FSTL4: variants seen among roughly 807,000 people sequenced by gnomAD.
FSTL4 encodes the protein follistatin-related protein 4.
In FSTL4, 28 loss-of-function variants were observed where a neutral mutation model predicts 78.2. The ratio of observed to expected loss-of-function variants is 0.36; its 90% CI spans 0.27 to 0.49. The LOEUF (loss-of-function observed/expected upper bound fraction) is 0.49. Ranked by LOEUF, FSTL4 falls within the 20% of genes least tolerant of loss-of-function variation. The pLI, the probability that FSTL4 is intolerant of heterozygous loss-of-function variation, is 0.98. For synonymous variants in FSTL4, 422 were observed against 440.5 expected, an observed-to-expected ratio of 0.96 and a Z score of 0.53; for missense variants, 922 against 1,084.9, an observed-to-expected ratio of 0.85 and a Z score of 2.11.
chr5:133,313,572 C>A (rs964770054), intron 5 of FSTL4, among the ~76,000 whole-genome samples: 1 of 151,888 alleles, frequency 6.6e-6, no homozygotes, highest in Admixed American at 6.6e-5. Context: ...GAAGGTCTTG[C>A]AGGGAAAATG....
At chr5:133,500,091 T>G (rs1208506027) in intron 3 of FSTL4, among the ~76,000 whole-genome samples, 1 of 152,156 alleles carries the variant, frequency 6.6e-6, no homozygotes, top group Non-Finnish European at 1.5e-5. Context: ...GCAGGAGTTC[T>G]AAGAGCATGT....
chr5:133,652,365 C>T, the FSTL4 span, among the ~76,000 whole-genome samples: 1 of 152,030 alleles, frequency 6.6e-6, no homozygotes, highest in Non-Finnish European at 1.5e-5. Context: ...GATCTTTCTC[C>T]TTTCTAATAT....
At chr5:133,691,874 C>T in the FSTL4 span, among the ~76,000 whole-genome samples, 1 of 152,146 alleles carries the variant, frequency 6.6e-6, no homozygotes, top group Non-Finnish European at 1.5e-5. Flanking sequence ...GACACAGCCA[C>T]CTGGAGCTGT....
At chr5:133,839,702 G>T in the FSTL4 span, among the ~76,000 whole-genome samples, 3 of 152,174 alleles carry the variant, frequency 2.0e-5, no homozygotes, top group African/African-American at 7.2e-5. Context: ...TTGCCTTATG[G>T]GAGCTAAGTC....
chr5:133,546,047 A>G (rs1759566830), intron 3 of FSTL4, among the ~76,000 whole-genome samples: 1 of 152,256 alleles, frequency 6.6e-6, no homozygotes, highest in Admixed American at 6.5e-5. Flanking sequence ...AATATATGGT[A>G]GAAGAAATAT....
At chr5:133,311,305 C>A (rs1163486820) in intron 6 of FSTL4, among the ~76,000 whole-genome samples, 2 of 152,134 alleles carry the variant, frequency 1.3e-5, no homozygotes, top group Non-Finnish European at 2.9e-5. Context: ...TTATTATGAA[C>A]CAACATAGGC....
rs149562023 is a variant in FSTL4 at position 133,226,643 on chromosome 5, A to G, written c.1016-824T>C. On this transcript the variant is annotated intron_variant, in intron 8 of 15. Transcript: ENST00000265342. ...AACTTTTACTTTACACACTTTCAAA[A>G]AAGATTTGTGAGATGTAAACATACC... is the stretch of plus-strand genomic sequence containing the variant. Among the ~76,000 whole-genome samples the G allele has an allele frequency of 8.9e-4, 136 of 152,338 alleles. 3 individuals are homozygous for G. In the East Asian group the frequency reaches 0.022, roughly 24 times the overall value.
At chr5:133,769,843 C>T in the FSTL4 span, among the ~76,000 whole-genome samples, 1 of 152,182 alleles carries the variant, frequency 6.6e-6, no homozygotes, top group African/African-American at 2.4e-5. Context: ...TTCCATCCCT[C>T]AATCCCCTCC....
chr5:133,310,406 G>A (rs75535678), intron 6 of FSTL4, among the ~76,000 whole-genome samples: 4 of 152,192 alleles, frequency 2.6e-5, no homozygotes, highest in South Asian at 2.1e-4. Flanking sequence ...AGGTAATGAC[G>A]TCCTTCCCTT....
At chr5:133,728,430 C>T in the FSTL4 span, among the ~76,000 whole-genome samples, 1 of 152,168 alleles carries the variant, frequency 6.6e-6, no homozygotes, top group South Asian at 2.1e-4. Context: ...CAGAAGTACC[C>T]ACACTAGCAT....
At chr5:133,648,738 C>T in the FSTL4 span, among the ~76,000 whole-genome samples, 2 of 152,058 alleles carry the variant, frequency 1.3e-5, no homozygotes, top group Non-Finnish European at 2.9e-5. Flanking sequence ...TTTAGGTTCC[C>T]AACAAAATTG....
rs1214858698 is a variant in FSTL4 at position 133,199,899 on chromosome 5, C to A, written c.1827-102G>T. The A allele has an allele frequency of 9.1e-5, 58 of 634,350 alleles. No individual in the cohort carries two copies. In the East Asian group the frequency reaches 1.4e-3, roughly 15 times the overall value. 39.3% of individuals were successfully genotyped at this position (634,350 alleles called of 1,614,324 possible). On this transcript the variant is annotated intron_variant, in intron 15 of 15. Coordinates refer to ENST00000265342, the MANE Select transcript of FSTL4 (RefSeq NM_015082.2). The surrounding 1 kb of genome is among the most constrained non-coding windows in gnomAD (Gnocchi z 4.4). ...CTCTGCCTTTTCCCTTTATTATAAT[C>A]CTTCAGTGATCTAATAGCCTAGTAA...
the FSTL4 span, among the ~76,000 whole-genome samples, chr5:133,655,463 G>T: frequency 6.6e-6 from 1 of 152,166 alleles, no homozygotes; most frequent in Non-Finnish European, 1.5e-5. Context: ...GGCAATGACA[G>T]GTACACAGAG....
At chr5:133,752,471 G>C in the FSTL4 span, among the ~76,000 whole-genome samples, 1 of 152,080 alleles carries the variant, frequency 6.6e-6, no homozygotes, top group Non-Finnish European at 1.5e-5. Context: ...ACAAAAGCTA[G>C]CCAGTTGTGG....
At chr5:133,529,534 GA>G (rs1759207094) in intron 3 of FSTL4, among the ~76,000 whole-genome samples, 1 of 152,274 alleles carries the variant, frequency 6.6e-6, no homozygotes, top group South Asian at 2.1e-4. Context: ...TCTGTTTTAA[GA>G]TTTTCATAAA....
the FSTL4 span, among the ~76,000 whole-genome samples, chr5:133,823,083 A>G: frequency 6.6e-6 from 1 of 152,182 alleles, no homozygotes; most frequent in Non-Finnish European, 1.5e-5. Context: ...GAAGGTGATC[A>G]AGTGCCATAG....
At chr5:133,220,603 C>T (rs1751061392) in intron 12 of FSTL4, 145 bp downstream of exon 12, 1 of 661,888 alleles carries the variant, frequency 1.5e-6, no homozygotes, top group Non-Finnish European at 2.8e-6. Context: ...TCATCTATTC[C>T]TCTCTTAGCC....
At chr5:133,620,232 A>G in the FSTL4 span, among the ~76,000 whole-genome samples, 6 of 152,312 alleles carry the variant, frequency 3.9e-5, no homozygotes, top group Middle Eastern at 3.4e-3. Context: ...TTTTATTTAT[A>G]TATTTTCTAT....
At chr5:133,554,846 C>T (rs1759756865) in intron 3 of FSTL4, among the ~76,000 whole-genome samples, 4 of 152,152 alleles carry the variant, frequency 2.6e-5, no homozygotes, top group African/African-American at 4.8e-5. Flanking sequence ...CGATGCGGTA[C>T]GAGAATCAAA....
Sources: allele counts gnomAD v4.1 joint callset (sites outside exome capture counted in the v4.1 genomes callset), GRCh38; gene constraint gnomAD v4.1.1; non-coding constraint Gnocchi (gnomAD v3.1); transcripts MANE v1.5; gene names NCBI Gene and HGNC (gene_info 2026-07-23, HGNC 2026-07-21).